Variants in ADGRG4 observed in about 807,000 individuals in gnomAD.
ADGRG4 encodes G protein-coupled receptor 112.
In ADGRG4, 122 loss-of-function variants were observed where a neutral mutation model predicts 126.2. The observed-to-expected ratio is 0.97, with a 90% CI of 0.83 to 1.12. The LOEUF (loss-of-function observed/expected upper bound fraction) is 1.12. Ranked by LOEUF, ADGRG4 falls within the 50% of genes most tolerant of loss-of-function variation. The pLI is 0.00. For synonymous variants in ADGRG4, 943 were observed against 838.7 expected, an observed-to-expected ratio of 1.12 and a Z score of -2.15; for missense variants, 2,481 against 2,251.8, an observed-to-expected ratio of 1.10 and a Z score of -2.06.
chrX:136,368,445 T>G (rs1025188074), intron 13 of ADGRG4, among the ~76,000 whole-genome samples: 10 of 111,888 alleles, frequency 8.9e-5, no homozygotes, highest in African/African-American at 3.2e-4. Flanking sequence ...TGGGACTAAT[T>G]TTTAAGAGGA....
intron 19 of ADGRG4, among the ~76,000 whole-genome samples, chrX:136,397,295 G>A (rs975725148): frequency 9.0e-6 from 1 of 111,130 alleles, no homozygotes; most frequent in Admixed American, 9.6e-5. Flanking sequence ...CTTAACCTTT[G>A]ATGAGTCATG....
At chrX:136,331,269 C>T (rs950788589) in intron 5 of ADGRG4, among the ~76,000 whole-genome samples, 14 of 112,042 alleles carry the variant, frequency 1.2e-4, no homozygotes, top group African/African-American at 4.5e-4. Flanking sequence ...AGGTTGCTTC[C>T]AAATCTTAGC....
intron 21 of ADGRG4, among the ~76,000 whole-genome samples, chrX:136,402,242 C>G (rs781581277): frequency 8.9e-6 from 1 of 112,182 alleles, no homozygotes; most frequent in Non-Finnish European, 1.9e-5. Context: ...CTGTCCAAGA[C>G]AGTAGATTTG....
intron 20 of ADGRG4, 86 bp from the exon 21 acceptor site, chrX:136,399,762 A>T: frequency 1.3e-6 from 1 of 799,933 alleles, no homozygotes; most frequent in Non-Finnish European, 1.8e-6. Flanking sequence ...TTATTCTTTC[A>T]CTTATTATGT....
Position 136,348,250 on chromosome X carries a change from C to A in ADGRG4, c.4544C>A (p.Ser1515Ter), listed in dbSNP as rs2075033433. Reference protein sequence around the residue: ...ATSTPIYQMSSLPVNVTAFTS... With the variant: ...ATSTPIYQMS ...TCCACTCCTATTTACCAGATGTCCT[C>A]ATTGCCAGTTAATGTAACTGCCTTC... The change falls in exon 6 of 26, where the codon TCA (serine) becomes TAA (stop). Residue 1515 changes from serine (S) to a stop codon, truncating the protein, a stop_gained. Transcript: ENST00000394143. LOFTEE classifies it high-confidence loss of function. The A allele has an allele frequency of 8.3e-7, 1 of 1,209,049 alleles. No individual in the cohort carries two copies. The highest frequency in any genetic ancestry group is 1.8e-5 in the South Asian group (1 of 56,765).
chrX:136,331,818 A>T (rs1049134288), intron 5 of ADGRG4, among the ~76,000 whole-genome samples: 32 of 96,564 alleles, frequency 3.3e-4, no homozygotes, highest in Non-Finnish European at 5.6e-4. Context: ...ATATATTCTA[A>T]TTTTTTTTTT....
At chrX:136,415,702 A>G (rs988128734) in intron 25 of ADGRG4, among the ~76,000 whole-genome samples, 1 of 111,793 alleles carries the variant, frequency 8.9e-6, no homozygotes, top group Non-Finnish European at 1.9e-5. Flanking sequence ...CTTAGTAGAT[A>G]ATAGTTGGGG....
At chrX:136,333,757 C>T (rs1221222364) in intron 5 of ADGRG4, among the ~76,000 whole-genome samples, 3 of 111,440 alleles carry the variant, frequency 2.7e-5, no homozygotes, top group Non-Finnish European at 5.7e-5. Context: ...ACCTCAAATT[C>T]TCCACCTGCC....
chrX:136,316,357 A>G (rs915401116), intron 4 of ADGRG4, among the ~76,000 whole-genome samples: 5 of 111,208 alleles, frequency 4.5e-5, no homozygotes, highest in African/African-American at 1.6e-4. Flanking sequence ...ATGTTACTTA[A>G]TGCTGTCATA....
intron 4 of ADGRG4, among the ~76,000 whole-genome samples, chrX:136,318,172 A>T (rs906750715): frequency 3.5e-5 from 4 of 112,769 alleles, no homozygotes; most frequent in Admixed American, 9.4e-5. Flanking sequence ...CAATAAACAG[A>T]ATGTGATACA....
At chrX:136,338,068 T>C (rs1378779735) in intron 5 of ADGRG4, among the ~76,000 whole-genome samples, 1 of 110,881 alleles carries the variant, frequency 9.0e-6, no homozygotes, top group Non-Finnish European at 1.9e-5. Flanking sequence ...ACCTGTTCTA[T>C]CTTCTGTCAT....
At chrX:136,328,833 C>G (rs778879142) in intron 5 of ADGRG4, among the ~76,000 whole-genome samples, 2 of 111,446 alleles carry the variant, frequency 1.8e-5, no homozygotes, top group Admixed American at 1.9e-4. Context: ...TGGTCTTGCC[C>G]TCATACATCA....
chrX:136,315,973 G>T (rs998887344), intron 4 of ADGRG4, among the ~76,000 whole-genome samples: 3 of 111,965 alleles, frequency 2.7e-5, no homozygotes, highest in Non-Finnish European at 5.6e-5. Flanking sequence ...AACCAACCCT[G>T]CTGACACCTT....
chrX:136,391,277 T>C (rs1411503538), intron 16 of ADGRG4, among the ~76,000 whole-genome samples: 2 of 111,261 alleles, frequency 1.8e-5, no homozygotes, highest in African/African-American at 6.5e-5. Flanking sequence ...GAGATTTTTC[T>C]TCCTCTCCCT....
intron 15 of ADGRG4, among the ~76,000 whole-genome samples, chrX:136,373,551 T>C (rs1418884209): frequency 2.7e-5 from 3 of 112,044 alleles, no homozygotes; most frequent in African/African-American, 9.7e-5. Context: ...TTTCAGAGGT[T>C]AGATTTTTTT....
At chrX:136,309,698 T>C (rs1603290258) in intron 4 of ADGRG4, among the ~76,000 whole-genome samples, 2 of 111,722 alleles carry the variant, frequency 1.8e-5, no homozygotes, top group African/African-American at 6.5e-5. Flanking sequence ...TAGGAAACCA[T>C]GTTTCTTATA....
chrX:136,376,227 C>A (rs1294146222), intron 15 of ADGRG4, among the ~76,000 whole-genome samples: 5 of 111,814 alleles, frequency 4.5e-5, no homozygotes, highest in African/African-American at 1.6e-4. Flanking sequence ...GGCTTTATTT[C>A]TGGGTTTTCT....
rs747025821 is a variant in ADGRG4, at chrX:136,349,855, C to T, written c.6149C>T (p.Ala2050Val). Residue 2050 changes from alanine to valine, a missense_variant, in exon 6 of 26, where the codon GCG becomes GTG. Transcript: ENST00000394143. ...TTTCTGACATCTGACATGATATCAG[C>T]GCACCCATTCACTAACTTGACAACA... ...STFLTSDMIS[A>V]HPFTNLTTLP... The T allele has an allele frequency of 8.3e-6, 10 of 1,209,044 alleles. No individual in the cohort carries two copies. Among genetic ancestry groups the T allele is most frequent in the South Asian group, 5.3e-5 (3 of 56,888 alleles).
chrX:136,317,636 A>G (rs773088465), intron 4 of ADGRG4, among the ~76,000 whole-genome samples: 2 of 111,960 alleles, frequency 1.8e-5, no homozygotes, highest in Non-Finnish European at 3.8e-5. Context: ...AGACACTATC[A>G]AGAAAGTGAA....
Sources: allele counts gnomAD v4.1 joint callset (sites outside exome capture counted in the v4.1 genomes callset), GRCh38; gene constraint gnomAD v4.1.1; transcripts MANE v1.5; gene names NCBI Gene and HGNC (gene_info 2026-07-23, HGNC 2026-07-21).